The following PAN3 variants were observed in gnomAD, a reference collection of about 807,000 sequenced individuals.
PAN3 encodes PAN2-PAN3 deadenylation complex subunit PAN3.
Under a neutral mutation model 96.2 loss-of-function variants are expected in PAN3, and 19 were observed. The observed-to-expected ratio is 0.20, with a 90% CI of 0.14 to 0.29. PAN3 has a LOEUF of 0.29. Ranked by LOEUF, PAN3 falls within the 10% of genes least tolerant of loss-of-function variation. The pLI is 1.00. For missense variants in PAN3, 882 were observed against 1,108.1 expected, an observed-to-expected ratio of 0.80 and a Z score of 2.90; for synonymous variants, 433 against 406.6, an observed-to-expected ratio of 1.06 and a Z score of -0.78.
chr13:28,147,612 G>A (rs895861436), intron 1 of PAN3, among the ~76,000 whole-genome samples: 5 of 152,116 alleles, frequency 3.3e-5, no homozygotes, highest in Non-Finnish European at 7.4e-5. Context: ...TGGTTCACTG[G>A]GAGCTGTAGC....
intron 6 of PAN3, among the ~76,000 whole-genome samples, chr13:28,233,248 A>G (rs1235704955): frequency 1.3e-5 from 2 of 151,676 alleles, no homozygotes; most frequent in African/African-American, 4.9e-5. Context: ...ATTTTTTCCT[A>G]ATATTTGGAA....
chr13:28,154,996 AT>A (rs750522409), intron 1 of PAN3, among the ~76,000 whole-genome samples: 334 of 132,782 alleles, frequency 2.5e-3, no homozygotes, highest in Middle Eastern at 4.1e-3. Context: ...AATTTTTTGT[AT>A]TTTTTTTTTT....
chr13:28,259,273 G>A (rs143189805), intron 7 of PAN3, among the ~76,000 whole-genome samples: 2,191 of 150,856 alleles, frequency 0.015, 23 homozygotes, highest in Non-Finnish European at 0.021. Context: ...GATTATAGGT[G>A]CCTGCCACCA....
chr13:28,146,300 GTCTC>G (rs71086834), intron 1 of PAN3, among the ~76,000 whole-genome samples: 130 of 143,442 alleles, frequency 9.1e-4, no homozygotes, highest in African/African-American at 1.6e-3. Context: ...CTCTTTCTCT[GTCTC>G]TCTCTCTCTC....
At chr13:28,152,358 T>C (rs1593365148) in intron 1 of PAN3, among the ~76,000 whole-genome samples, 1 of 151,032 alleles carries the variant, frequency 6.6e-6, no homozygotes, top group Admixed American at 6.6e-5. Context: ...GTGAGGGGGG[T>C]GGATCGCCTT....
intron 6 of PAN3, among the ~76,000 whole-genome samples, chr13:28,233,390 C>T (rs1284902470): frequency 6.6e-6 from 1 of 151,834 alleles, no homozygotes; most frequent in East Asian, 1.9e-4. Context: ...CCTCAGCCTC[C>T]TGAGTAGCCG....
At chr13:28,242,501 G>A (rs1883768086) in intron 6 of PAN3, among the ~76,000 whole-genome samples, 1 of 152,166 alleles carries the variant, frequency 6.6e-6, no homozygotes, top group South Asian at 2.1e-4. Context: ...AATCACATGT[G>A]GTATTTGCAG....
chr13:28,180,959 T>C (rs1244396954), intron 4 of PAN3, among the ~76,000 whole-genome samples: 5 of 152,176 alleles, frequency 3.3e-5, no homozygotes, highest in African/African-American at 4.8e-5. Context: ...AAATATTTGA[T>C]GATTGCTAGG....
At chr13:28,230,128 G>C (rs1882387891) in intron 6 of PAN3, among the ~76,000 whole-genome samples, 1 of 151,006 alleles carries the variant, frequency 6.6e-6, no homozygotes, top group South Asian at 2.1e-4. Context: ...TGTGAATAAG[G>C]TACATGAGCT....
chr13:28,186,780 C>G (rs534451025), intron 4 of PAN3, among the ~76,000 whole-genome samples: 1 of 151,652 alleles, frequency 6.6e-6, no homozygotes, highest in Non-Finnish European at 1.5e-5. Flanking sequence ...GAGCTGTGAT[C>G]GGGCCACTGT....
chr13:28,288,571 C>T (rs888053341), intron 18 of PAN3, among the ~76,000 whole-genome samples: 5 of 152,142 alleles, frequency 3.3e-5, no homozygotes, highest in African/African-American at 7.2e-5. Context: ...GGATTATAGG[C>T]GTGAGCCACT....
intron 6 of PAN3, among the ~76,000 whole-genome samples, chr13:28,254,314 A>G (rs1884970599): frequency 6.6e-6 from 1 of 152,228 alleles, no homozygotes; most frequent in Non-Finnish European, 1.5e-5. Flanking sequence ...TAAATATGCT[A>G]TACCTACCTC....
intron 4 of PAN3, among the ~76,000 whole-genome samples, chr13:28,192,628 T>C (rs141237334): frequency 3.3e-5 from 5 of 152,358 alleles, no homozygotes; most frequent in South Asian, 4.1e-4. Flanking sequence ...TGATTACTTA[T>C]GCATTGTTAT....
intron 3 of PAN3, 122 bp downstream of exon 3, chr13:28,176,681 T>G: frequency 1.0e-6 from 1 of 957,422 alleles, no homozygotes; most frequent in Non-Finnish European, 1.6e-6. Flanking sequence ...AAATAAAAAT[T>G]ATTATCTTCC....
At position 28,222,418 on chromosome 13, in the gene PAN3, A is replaced by G. The variant is rs1881507693; in HGVS notation, c.1000+2040A>G. Reference sequence around the variant, plus strand: ...TGATCACTCTCTGGAACCATTGGAAATAGGTCATTATATCATATGAAATGT... The same window carrying G: ...TGATCACTCTCTGGAACCATTGGAAGTAGGTCATTATATCATATGAAATGT... On this transcript the variant is annotated intron_variant, in intron 6 of 18. Transcript: ENST00000380958. 2.0e-5 allele frequency among the ~76,000 whole-genome samples: 3 copies of G among 152,178 alleles called. No individual in the cohort carries two copies. The South Asian group carries it at 6.2e-4, about 31-fold the overall frequency.
At chr13:28,215,086 T>C in intron 5 of PAN3, 1 of 896,058 alleles carries the variant, frequency 1.1e-6, no homozygotes. Context: ...GTAGCATTTG[T>C]GCCATTTGCT....
chr13:28,215,269 G>T lies in PAN3; in HGVS notation c.853-4962G>T, dbSNP rs189958678. ...AAGTCCTTGCACCAGCCTCTCCAGGGTGTCTACAAAATTGGTGGTATTGGT... is the reference window on the plus strand; with the variant it reads ...AAGTCCTTGCACCAGCCTCTCCAGGTTGTCTACAAAATTGGTGGTATTGGT... On this transcript the variant is annotated intron_variant, in intron 5 of 18. Coordinates refer to ENST00000380958, the MANE Select transcript of PAN3 (RefSeq NM_175854.8). 9.2e-4 allele frequency: 649 copies of T among 709,074 alleles called. 4 individuals are homozygous for T. The African/African-American group carries it at 0.01, about 11-fold the overall frequency. The allele number at this position is 709,074 out of a possible 1,614,324, so 43.9% of individuals were successfully genotyped here. A position where few individuals can be genotyped will look rare whatever the true frequency, so the allele number is the denominator to read the frequency against.
At chr13:28,178,804 G>C (rs1875385265) in intron 4 of PAN3, among the ~76,000 whole-genome samples, 1 of 152,164 alleles carries the variant, frequency 6.6e-6, no homozygotes, top group Admixed American at 6.5e-5. Flanking sequence ...AGAAGGATCT[G>C]ATCAGCAGAT....
chr13:28,270,862 A>G lies in PAN3; in HGVS notation c.1954A>G (p.Thr652Ala). 1 of 1,613,376 alleles carries G rather than the reference A, an allele frequency of 6.2e-7. No individual in the cohort carries two copies. The highest frequency in any genetic ancestry group is 8.5e-7 in the Non-Finnish European group (1 of 1,179,490). The part of the protein sequence containing the change: ...DPTKILITGK[T>A]RLRVNCVGVF... ...AACAAAGATTCTGATAACTGGCAAA[A>G]CAAGGTACTAGCATTTTGAGTTTTG... The change falls in exon 13 of 19, where the codon ACA becomes GCA. Residue 652 changes from threonine to alanine, a missense_variant. Thr to Ala is a moderately conservative substitution (Grantham distance 58). This residue lies in a region of PAN3 where 364 missense variants were observed against 513.6 expected (regional missense o/e 0.71). Coordinates refer to ENST00000380958, the MANE Select transcript of PAN3 (RefSeq NM_175854.8).
Sources: allele counts gnomAD v4.1 joint callset (sites outside exome capture counted in the v4.1 genomes callset), GRCh38; gene constraint gnomAD v4.1.1; regional missense constraint gnomAD v4.1.1; transcripts MANE v1.5; gene names NCBI Gene and HGNC (gene_info 2026-07-23, HGNC 2026-07-21).